CSMD1: variants seen among roughly 807,000 people sequenced by gnomAD.
The protein encoded by CSMD1 is CUB and sushi domain-containing protein 1.
Under a neutral mutation model 417.5 loss-of-function variants are expected in CSMD1, and 213 were observed. The ratio of observed to expected loss-of-function variants is 0.51; its 90% CI spans 0.46 to 0.57. The LOEUF (loss-of-function observed/expected upper bound fraction) is 0.57. Among genes scored for constraint, CSMD1 ranks in the 20% least tolerant of loss-of-function variants. The pLI, the probability that CSMD1 is intolerant of heterozygous loss-of-function variation, is 0.00. For missense variants in CSMD1, 6,923 were observed against 4,529.7 expected (o/e 1.53, Z -15.17); for synonymous variants, 2,862 against 1,736.8 (o/e 1.65, Z -16.11).
intron 2 of CSMD1, among the ~76,000 whole-genome samples, chr8:4,457,888 G>A (rs1188266630): frequency 3.9e-5 from 6 of 152,200 alleles, no homozygotes; most frequent in East Asian, 1.9e-4. Context: ...ATGCAGCACC[G>A]TAGTGAACGT....
chr8:3,346,214 AAC>A (rs1210002444), intron 22 of CSMD1, among the ~76,000 whole-genome samples: 4 of 152,196 alleles, frequency 2.6e-5, no homozygotes, highest in South Asian at 2.1e-4. Context: ...TTTTTTTAAA[AAC>A]AACTTTTTGT....
intron 3 of CSMD1, among the ~76,000 whole-genome samples, chr8:4,327,861 G>C (rs560088147): frequency 6.6e-6 from 1 of 152,050 alleles, no homozygotes; most frequent in Non-Finnish European, 1.5e-5. Flanking sequence ...GACACATTTT[G>C]TAAAACAAAA....
chr8:3,232,096 C>G (rs577510332), intron 26 of CSMD1, among the ~76,000 whole-genome samples: 27 of 152,298 alleles, frequency 1.8e-4, no homozygotes, highest in African/African-American at 6.5e-4. Flanking sequence ...ACCAATACAT[C>G]AGTATGATCA....
chr8:4,585,223 T>A (rs1799638920), intron 2 of CSMD1, among the ~76,000 whole-genome samples: 1 of 151,960 alleles, frequency 6.6e-6, no homozygotes, highest in African/African-American at 2.4e-5. Context: ...ATAAAGAACA[T>A]CAGCAGAGAA....
chr8:4,749,776 G>A (rs967813393), intron 1 of CSMD1, among the ~76,000 whole-genome samples: 1 of 152,016 alleles, frequency 6.6e-6, no homozygotes, highest in African/African-American at 2.4e-5. Context: ...GCATTAAAAT[G>A]TGTAAGTCTG....
chr8:4,792,861 C>G (rs1243144659), intron 1 of CSMD1, among the ~76,000 whole-genome samples: 2 of 152,038 alleles, frequency 1.3e-5, no homozygotes, highest in Non-Finnish European at 2.9e-5. Flanking sequence ...TCCAGCAAAC[C>G]TTTCCACCTA....
intron 10 of CSMD1, among the ~76,000 whole-genome samples, chr8:3,503,068 TTAAC>T (rs1563100329): frequency 6.6e-6 from 1 of 152,040 alleles, no homozygotes; most frequent in East Asian, 1.9e-4. Flanking sequence ...ACCTAATAAA[TTAAC>T]AAAAATTACA....
intron 47 of CSMD1, among the ~76,000 whole-genome samples, chr8:3,096,553 C>T (rs1041848953): frequency 1.6e-4 from 25 of 152,118 alleles, no homozygotes; most frequent in African/African-American, 5.8e-4. Flanking sequence ...GTGAGGTCTC[C>T]CCAGCCATCT....
chr8:3,742,932 C>T (rs976246016), intron 6 of CSMD1, among the ~76,000 whole-genome samples: 10 of 152,132 alleles, frequency 6.6e-5, no homozygotes, highest in African/African-American at 1.4e-4. Context: ...AGCCTCATGT[C>T]GCACTCATCT....
rs144362271 is a variant in CSMD1, at chr8:4,739,615, C to G, written c.86-102057G>C. 1.4e-3 allele frequency among the ~76,000 whole-genome samples: 206 copies of G among 152,250 alleles called. 2 individuals carry two copies. Among genetic ancestry groups the G allele is most frequent in the African/African-American group, 4.7e-3 (197 of 41,558 alleles). On this transcript the variant is annotated intron_variant, in intron 1 of 69. Transcript: ENST00000635120. The stretch of plus-strand genomic sequence containing the variant: ...CCTTTGGGTCCGAGAAACCCACATG[C>G]TCAGTGGTTATCATGGCATTAACAC...
At chr8:3,939,696 G>GA (rs1039480439) in intron 5 of CSMD1, among the ~76,000 whole-genome samples, 6 of 152,016 alleles carry the variant, frequency 3.9e-5, no homozygotes, top group African/African-American at 1.2e-4. Flanking sequence ...ACATAAAAAG[G>GA]AAAAAACAGT....
chr8:4,713,275 T>A (rs376478671), intron 1 of CSMD1, among the ~76,000 whole-genome samples: 1 of 152,224 alleles, frequency 6.6e-6, no homozygotes, highest in East Asian at 1.9e-4. Context: ...CAGGAGAGTG[T>A]AGTTTAAGTT....
intron 1 of CSMD1, among the ~76,000 whole-genome samples, chr8:4,841,926 A>AACAAAAAAC (rs1563561169): frequency 2.8e-5 from 4 of 142,154 alleles, no homozygotes; most frequent in African/African-American, 8.0e-5. Flanking sequence ...AAAAAAAAAA[A>AACAAAAAAC]AAAAAAAAAA....
At chr8:4,011,041 A>G (rs974742719) in intron 4 of CSMD1, among the ~76,000 whole-genome samples, 2 of 152,224 alleles carry the variant, frequency 1.3e-5, no homozygotes, top group Admixed American at 1.3e-4. Flanking sequence ...AGCTGCCAGC[A>G]TCTCTTGCCA....
chr8:3,861,398 GA>G (rs1195150055), intron 5 of CSMD1, among the ~76,000 whole-genome samples: 2 of 152,182 alleles, frequency 1.3e-5, no homozygotes, highest in African/African-American at 2.4e-5. Context: ...TGTTCATGGT[GA>G]AAATAACCCT....
chr8:4,120,850 A>C (rs1437959802), intron 3 of CSMD1, among the ~76,000 whole-genome samples: 4 of 152,206 alleles, frequency 2.6e-5, no homozygotes, highest in East Asian at 1.9e-4. Flanking sequence ...AAGTCTTTTA[A>C]AATTACAGAA....
chr8:4,058,845 A>G (rs1452354310), intron 3 of CSMD1, among the ~76,000 whole-genome samples: 2 of 151,666 alleles, frequency 1.3e-5, no homozygotes, highest in Admixed American at 6.6e-5. Context: ...TAATAATGGG[A>G]GACTTTAACA....
At position 2,963,336 on chromosome 8, in the gene CSMD1, G is replaced by A. The variant is rs746788756; in HGVS notation, c.9340C>T (p.Arg3114Cys). ...QNGTVEGSDF[R>C]WGSSISYSCM... is the part of the protein sequence containing the mutation. ...CTGTAACTTATGCTGGAGCCCCAGCGGAAATCACTTCCCTCCACTGTTCCA... is the reference window on the plus strand; with the variant it reads ...CTGTAACTTATGCTGGAGCCCCAGCAGAAATCACTTCCCTCCACTGTTCCA... The change falls in exon 60 of 70, where the codon CGC becomes TGC. Residue 3114 changes from arginine (R) to cysteine (C), a missense_variant. Physicochemically the swap from Arg to Cys is radical, Grantham distance 180 (BLOSUM62 -3). Transcript: ENST00000635120. The A allele has an allele frequency of 1.1e-5, 17 of 1,613,820 alleles. No individual in the cohort carries two copies. The highest frequency in any genetic ancestry group is 1.6e-4 in the Middle Eastern group (1 of 6,084).
chr8:4,264,370 T>G (rs960131358), intron 3 of CSMD1, among the ~76,000 whole-genome samples: 1 of 152,202 alleles, frequency 6.6e-6, no homozygotes, highest in African/African-American at 2.4e-5. Flanking sequence ...TCTTTCCACT[T>G]TTTAGAAGAT....
Sources: gnomAD v4.1 joint callset for allele counts (sites outside exome capture counted in the v4.1 genomes callset) on GRCh38, gnomAD v4.1.1 for gene constraint, MANE v1.5 for transcripts, NCBI Gene and HGNC (gene_info 2026-07-23, HGNC 2026-07-21) for gene names.